DLGAP2: variants seen among roughly 807,000 people sequenced by gnomAD.
The protein encoded by DLGAP2 is DLG associated protein 2, also known as disks large-associated protein 2.
In DLGAP2, 26 loss-of-function variants were observed where a neutral mutation model predicts 100.3. The observed-to-expected ratio is 0.26, with a 90% CI of 0.19 to 0.36. DLGAP2 has a LOEUF of 0.36. Ranked by LOEUF, DLGAP2 falls within the 10% of genes least tolerant of loss-of-function variation. DLGAP2 has a pLI of 1.00. For missense variants in DLGAP2, 1,858 were observed against 1,453.2 expected (o/e 1.28, Z -4.53); for synonymous variants, 886 against 630.1 (o/e 1.41, Z -6.08).
At chr8:1,507,625 G>A (rs996141149) in intron 4 of DLGAP2, among the ~76,000 whole-genome samples, 1 of 152,162 alleles carries the variant, frequency 6.6e-6, no homozygotes, top group African/African-American at 2.4e-5. Context: ...CGGAGGAGGC[G>A]CCGGGAGTGA....
chr8:1,270,334 T>C (rs1799554988), intron 3 of DLGAP2, among the ~76,000 whole-genome samples: 1 of 152,200 alleles, frequency 6.6e-6, no homozygotes, highest in African/African-American at 2.4e-5. Flanking sequence ...GAAGGAAAAG[T>C]AGAACCTGTG....
At chr8:1,212,374 T>G (rs1346212796) in intron 2 of DLGAP2, among the ~76,000 whole-genome samples, 1 of 152,192 alleles carries the variant, frequency 6.6e-6, no homozygotes, top group Non-Finnish European at 1.5e-5. Context: ...CATGGAGCAT[T>G]AAGAGAACTC....
At chr8:893,335 T>C (rs577582816) in intron 1 of DLGAP2, among the ~76,000 whole-genome samples, 47 of 152,218 alleles carry the variant, frequency 3.1e-4, no homozygotes, top group Non-Finnish European at 5.4e-4. Context: ...GACCCTGAAC[T>C]GCTGGGTGCC....
At chr8:760,534 A>G (rs1821054374) in intron 1 of DLGAP2, among the ~76,000 whole-genome samples, 1 of 152,232 alleles carries the variant, frequency 6.6e-6, no homozygotes, top group Admixed American at 6.5e-5. Flanking sequence ...TTCTGACAGC[A>G]AAATAATTTT....
At chr8:1,191,209 T>G (rs1332277076) in intron 2 of DLGAP2, among the ~76,000 whole-genome samples, 1 of 146,554 alleles carries the variant, frequency 6.8e-6, no homozygotes, top group Non-Finnish European at 1.5e-5. Context: ...TCTCACTCTG[T>G]CACCCAGGCT....
intron 14 of DLGAP2, among the ~76,000 whole-genome samples, chr8:1,699,202 G>T (rs1799500296): frequency 6.6e-6 from 1 of 152,192 alleles, no homozygotes; most frequent in East Asian, 1.9e-4. Context: ...TGCGCATAGA[G>T]TATGATTCTC....
chr8:1,317,436 C>G (rs532305071), intron 3 of DLGAP2, among the ~76,000 whole-genome samples: 17 of 108,744 alleles, frequency 1.6e-4, no homozygotes, highest in South Asian at 9.4e-4. Flanking sequence ...CGAGAAACTT[C>G]GCAGCTTTTA....
chr8:1,529,076 A>G (rs1584894612), intron 4 of DLGAP2, among the ~76,000 whole-genome samples: 1 of 45,328 alleles, frequency 2.2e-5, no homozygotes, highest in African/African-American at 5.8e-5. Context: ...GCTGCCTGAG[A>G]CTGGGTAATT....
chr8:1,626,617 T>G, intron 6 of DLGAP2, 123 bp from the exon 7 acceptor site: 2 of 1,225,422 alleles, frequency 1.6e-6, no homozygotes, highest in Non-Finnish European at 2.2e-6. Flanking sequence ...GGTTGGACGG[T>G]CGTTCCCACC....
intron 1 of DLGAP2, among the ~76,000 whole-genome samples, chr8:804,834 T>C (rs866631050): frequency 6.6e-6 from 1 of 152,164 alleles, no homozygotes; most frequent in Non-Finnish European, 1.5e-5. Flanking sequence ...GGTGCAATCA[T>C]GGCTCACTGC....
intron 2 of DLGAP2, among the ~76,000 whole-genome samples, chr8:1,169,865 A>T (rs1474948640): frequency 6.6e-6 from 1 of 151,784 alleles, no homozygotes; most frequent in Non-Finnish European, 1.5e-5. Flanking sequence ...CTAATTGAAT[A>T]ACCTTTATTT....
intron 2 of DLGAP2, among the ~76,000 whole-genome samples, chr8:912,641 G>GC: frequency 6.8e-6 from 1 of 146,926 alleles, no homozygotes; most frequent in African/African-American, 2.5e-5. Flanking sequence ...CTGTGGAGCT[G>GC]AGCCCCACAC....
chr8:1,596,726 T>G (rs550904185), intron 6 of DLGAP2, among the ~76,000 whole-genome samples: 97 of 151,854 alleles, frequency 6.4e-4, no homozygotes, highest in African/African-American at 2.2e-3. Flanking sequence ...GGTTGTTAGG[T>G]TTTTTTTTCT....
chr8:1,277,694 C>G (rs1799731613), intron 3 of DLGAP2, among the ~76,000 whole-genome samples: 1 of 152,132 alleles, frequency 6.6e-6, no homozygotes, highest in Non-Finnish European at 1.5e-5. Flanking sequence ...GGCTTCCAGG[C>G]TGGCAGCAGC....
intron 2 of DLGAP2, among the ~76,000 whole-genome samples, chr8:1,053,159 T>C (rs2129033321): frequency 6.6e-6 from 1 of 152,308 alleles, no homozygotes; most frequent in African/African-American, 2.4e-5. Context: ...TTTTGGGTTA[T>C]TTAAAAGAAA....
At chr8:1,493,132 A>C (rs1245847142) in intron 3 of DLGAP2, among the ~76,000 whole-genome samples, 1 of 152,242 alleles carries the variant, frequency 6.6e-6, no homozygotes, top group Non-Finnish European at 1.5e-5. Context: ...AGGTAGAACC[A>C]GGCGGATCCG....
chr8:1,356,080 C>T (rs1049162581), intron 3 of DLGAP2, among the ~76,000 whole-genome samples: 1 of 152,212 alleles, frequency 6.6e-6, no homozygotes, highest in Non-Finnish European at 1.5e-5. Flanking sequence ...CTACGCCAGC[C>T]AGTGCAGGTC....
intron 3 of DLGAP2, among the ~76,000 whole-genome samples, chr8:1,434,737 A>C (rs989806352): frequency 6.6e-6 from 1 of 152,240 alleles, no homozygotes; most frequent in African/African-American, 2.4e-5. Flanking sequence ...TGTCTTCCAA[A>C]GTGCTGGGAT....
chr8:1,386,341 A>C (rs75840512), intron 3 of DLGAP2, among the ~76,000 whole-genome samples: 1,569 of 152,336 alleles, frequency 0.01, 23 homozygotes, highest in African/African-American at 0.036. Flanking sequence ...TGAATACAAC[A>C]TAGGCCGACA....
Sources: allele counts gnomAD v4.1 joint callset (sites outside exome capture counted in the v4.1 genomes callset), GRCh38; gene constraint gnomAD v4.1.1; transcripts MANE v1.5; gene names NCBI Gene and HGNC (gene_info 2026-07-23, HGNC 2026-07-21).